The following UBE2W variants were observed in gnomAD, a reference collection of about 807,000 sequenced individuals.
The protein encoded by UBE2W is ubiquitin-conjugating enzyme E2 W.
Under a neutral mutation model 27.2 loss-of-function variants are expected in UBE2W, and 18 were observed. The ratio of observed to expected loss-of-function variants is 0.66; its 90% CI spans 0.46 to 0.98. The LOEUF (loss-of-function observed/expected upper bound fraction) is 0.98, where lower values mean the gene tolerates loss of function less well. Among genes scored for constraint, UBE2W ranks in the 50% least tolerant of loss-of-function variants. The pLI is 0.00. For synonymous variants in UBE2W, 53 were observed against 57.2 expected (o/e 0.93, Z 0.33); for missense variants, 90 against 180.2 (o/e 0.50, Z 2.87).
In UBE2W at chr8:73,853,898, C is replaced by T. The variant is rs572468032; in HGVS notation, c.16-23426G>A. On this transcript the variant is annotated intron_variant, in intron 1 of 5. Coordinates refer to ENST00000602593, the MANE Select transcript of UBE2W (RefSeq NM_018299.6). Reference sequence around the variant, plus strand: ...GCATGGTGGGTCATGCCTGTAATCCCAGCATTTTGGGAGGCCAAGGTGAGA... The same window carrying T: ...GCATGGTGGGTCATGCCTGTAATCCTAGCATTTTGGGAGGCCAAGGTGAGA... Among the ~76,000 whole-genome samples the T allele has an allele frequency of 2.0e-4, 31 of 152,224 alleles. No homozygotes were observed. The East Asian group carries it at 5.0e-3, about 25-fold the overall frequency.
At chr8:73,839,367 A>AT (rs397953360) in intron 1 of UBE2W, among the ~76,000 whole-genome samples, 1 of 148,186 alleles carries the variant, frequency 6.7e-6, no homozygotes, top group Non-Finnish European at 1.5e-5. Context: ...AAAAAAAAAA[A>AT]GTATTTTGGC....
At chr8:73,784,716 T>A (rs1807903680), downstream of UBE2W, among the ~76,000 whole-genome samples, 1 of 152,110 alleles carries the variant, frequency 6.6e-6, no homozygotes, top group East Asian at 1.9e-4. Flanking sequence ...TTTACTTAGC[T>A]GATCTTTACT....
intron 1 of UBE2W, among the ~76,000 whole-genome samples, chr8:73,866,283 AAAAAAAAAT>A (rs1346463266): frequency 6.5e-4 from 73 of 112,404 alleles, no homozygotes; most frequent in African/African-American, 2.4e-3. Flanking sequence ...AAAAAAAAAA[AAAAAAAAAT>A]ATATATATAT....
chr8:73,870,256 A>AC, intron 1 of UBE2W: 1 of 1,584,924 alleles, frequency 6.3e-7, no homozygotes. Context: ...TTGGCAAAAA[A>AC]ACACACACTT....
intron 3 of UBE2W, among the ~76,000 whole-genome samples, chr8:73,811,110 A>G (rs571704481): frequency 4.5e-4 from 68 of 152,274 alleles, no homozygotes; most frequent in African/African-American, 1.4e-3. Flanking sequence ...GCAAAGGGAA[A>G]TGACTGTTAT....
At chr8:73,878,701 C>T in intron 1 of UBE2W, 107 bp downstream of exon 1, 1 of 1,066,550 alleles carries the variant, frequency 9.4e-7, no homozygotes, top group Admixed American at 2.0e-5. Context: ...CCGGACCGAT[C>T]CCGAACCCGC....
chr8:73,820,380 T>C (rs1206681752), intron 3 of UBE2W, among the ~76,000 whole-genome samples: 2 of 152,122 alleles, frequency 1.3e-5, no homozygotes, highest in African/African-American at 2.4e-5. Context: ...AGTTCTGCCA[T>C]TTTCCCAATC....
chr8:73,842,289 G>A (rs1810563988), intron 1 of UBE2W, among the ~76,000 whole-genome samples: 1 of 152,028 alleles, frequency 6.6e-6, no homozygotes, highest in South Asian at 2.1e-4. Context: ...AGCACTCTGG[G>A]AGGCCGAGGC....
exon 5 of UBE2W, chr8:73,780,481 C>T (rs1360244623): frequency 2.2e-6 from 1 of 452,062 alleles, no homozygotes; most frequent in African/African-American, 2.0e-5. Context: ...GGACATGATT[C>T]AATCCGTAAT....
chr8:73,861,062 T>C (rs1811515993), intron 1 of UBE2W, among the ~76,000 whole-genome samples: 1 of 152,134 alleles, frequency 6.6e-6, no homozygotes, highest in African/African-American at 2.4e-5. Context: ...AGGTTACAGT[T>C]AAGGTACAGT....
At chr8:73,804,747 TAG>T (rs1808798379) in intron 5 of UBE2W, among the ~76,000 whole-genome samples, 1 of 151,688 alleles carries the variant, frequency 6.6e-6, no homozygotes, top group Non-Finnish European at 1.5e-5. Flanking sequence ...CCTTTGGAGA[TAG>T]AGTCTCATTC....
At chr8:73,854,634 T>C (rs557889433) in intron 1 of UBE2W, among the ~76,000 whole-genome samples, 1 of 152,322 alleles carries the variant, frequency 6.6e-6, no homozygotes, top group South Asian at 2.1e-4. Context: ...ATTGGTACCA[T>C]AGATTCTCTG....
intron 5 of UBE2W, among the ~76,000 whole-genome samples, chr8:73,799,700 A>G (rs1158143717): frequency 2.0e-5 from 3 of 152,222 alleles, no homozygotes; most frequent in Non-Finnish European, 4.4e-5. Flanking sequence ...GTGGAGCTTG[A>G]GACCTGAGGC....
intron 1 of UBE2W, among the ~76,000 whole-genome samples, chr8:73,866,751 C>T (rs1811790773): frequency 6.6e-6 from 1 of 151,942 alleles, no homozygotes. Context: ...AAACAGCCCA[C>T]AGAAAAAAAG....
chr8:73,826,884 T>C (rs1450309216), intron 2 of UBE2W, among the ~76,000 whole-genome samples: 1 of 152,184 alleles, frequency 6.6e-6, no homozygotes, highest in African/African-American at 2.4e-5. Context: ...CAATACATGG[T>C]AAATTAAATG....
rs1554579998 is a variant in UBE2W, at chr8:73,805,472, C to CAAAACAAAAAAAAAAAACAAAAAAAA, written c.442+178_442+179insTTTTTTTTGTTTTTTTTTTTTGTTTT. Among the ~76,000 whole-genome samples the CAAAACAAAAAAAAAAAACAAAAAAAA allele has an allele frequency of 1.7e-3, 75 of 43,676 alleles. 2 individuals are homozygous for CAAAACAAAAAAAAAAAACAAAAAAAA. The highest frequency in any genetic ancestry group is 2.8e-3 in the Non-Finnish European group (56 of 20,124). The allele number at this position is 43,676 out of a possible 152,430, so 28.7% of individuals were successfully genotyped here. ...TCCATCTCAAAAAAAAAAAAAAAAA[C>CAAAACAAAAAAAAAAAACAAAAAAAA]AAAAAAAACTAGGGTAATTCATCCA... On this transcript the variant is annotated intron_variant, in intron 5 of 5. Transcript: ENST00000602593.
intron 5 of UBE2W, among the ~76,000 whole-genome samples, chr8:73,797,950 G>A (rs1808487605): frequency 6.6e-6 from 1 of 152,102 alleles, no homozygotes; most frequent in Non-Finnish European, 1.5e-5. Context: ...TTGACCTCAT[G>A]ATGTTAAACA....
At chr8:73,866,998 C>T (rs550415388) in intron 1 of UBE2W, among the ~76,000 whole-genome samples, 238 of 143,656 alleles carry the variant, frequency 1.7e-3, no homozygotes, top group Non-Finnish European at 2.5e-3. Flanking sequence ...AGCGAGGCTC[C>T]GTCCCAAAAA....
chr8:73,877,563 C>T (rs1812284344), intron 1 of UBE2W, among the ~76,000 whole-genome samples: 1 of 152,024 alleles, frequency 6.6e-6, no homozygotes, highest in Admixed American at 6.6e-5. Context: ...GGAAGAAAAA[C>T]ACTTTTAGCA....
Sources: allele counts gnomAD v4.1 joint callset (sites outside exome capture counted in the v4.1 genomes callset), GRCh38; gene constraint gnomAD v4.1.1; transcripts MANE v1.5; gene names NCBI Gene and HGNC (gene_info 2026-07-23, HGNC 2026-07-21).